The following ZNF804B variants were observed in gnomAD, a reference collection of about 807,000 sequenced individuals.
ZNF804B encodes the protein zinc finger protein 804B, also known as zinc finger 804B.
Under a neutral mutation model 101.4 loss-of-function variants are expected in ZNF804B, and 80 were observed. The ratio of observed to expected loss-of-function variants is 0.79; its 90% CI spans 0.66 to 0.95. ZNF804B has a LOEUF of 0.95. ZNF804B is among the 40% of genes least tolerant of loss of function. The pLI, the probability that ZNF804B is intolerant of heterozygous loss-of-function variation, is 0.00. For synonymous variants in ZNF804B, 622 were observed against 558.8 expected (o/e 1.11, Z -1.59); for missense variants, 1,673 against 1,561.9 (o/e 1.07, Z -1.20).
intron 1 of ZNF804B, among the ~76,000 whole-genome samples, chr7:89,105,840 T>C (rs1790128570): frequency 6.6e-6 from 1 of 152,178 alleles, no homozygotes; most frequent in South Asian, 2.1e-4. Context: ...CAGCTTCATG[T>C]TGGGGTTCCC....
intron 1 of ZNF804B, among the ~76,000 whole-genome samples, chr7:89,094,955 C>T (rs987329945): frequency 2.6e-5 from 4 of 151,934 alleles, no homozygotes; most frequent in East Asian, 1.9e-4. Context: ...TCAATAAATA[C>T]GAAAGTTAAA....
chr7:89,049,348 T>A (rs142443254), intron 1 of ZNF804B, among the ~76,000 whole-genome samples: 2,152 of 152,260 alleles, frequency 0.014, 45 homozygotes, highest in African/African-American at 0.048. Flanking sequence ...GTGAATGATC[T>A]TATGGTTCAC....
intron 1 of ZNF804B, among the ~76,000 whole-genome samples, chr7:88,985,946 C>T (rs908380201): frequency 6.6e-6 from 1 of 152,070 alleles, no homozygotes; most frequent in African/African-American, 2.4e-5. Flanking sequence ...CCAATAAACT[C>T]TCATAGTCTT....
chr7:89,078,872 A>G (rs948858709), intron 1 of ZNF804B, among the ~76,000 whole-genome samples: 1 of 152,050 alleles, frequency 6.6e-6, no homozygotes, highest in Non-Finnish European at 1.5e-5. Flanking sequence ...CCATGATATT[A>G]TAAGATATAT....
Position 89,015,504 on chromosome 7 carries a change from A to T in ZNF804B, c.109-202651A>T, listed in dbSNP as rs565660978. 7.3e-3 allele frequency among the ~76,000 whole-genome samples: 1,105 copies of T among 150,800 alleles called. 15 individuals are homozygous for T. The highest frequency in any genetic ancestry group is 0.025 in the African/African-American group (1,010 of 41,010). ...CTCCCCGCTCCCCCCACCCCACAAC[A>T]GTCCCCAGAGTGTAATGTTCCCCTT... is the stretch of plus-strand genomic sequence containing the variant. On this transcript the variant is annotated intron_variant, in intron 1 of 3. Coordinates refer to ENST00000333190, the MANE Select transcript of ZNF804B (RefSeq NM_181646.5).
At chr7:88,878,490 G>A (rs917719817) in intron 1 of ZNF804B, among the ~76,000 whole-genome samples, 1 of 152,260 alleles carries the variant, frequency 6.6e-6, no homozygotes, top group East Asian at 1.9e-4. Flanking sequence ...AAGGGTGTCT[G>A]CCTGATGAGA....
At chr7:89,111,884 A>G in intron 1 of ZNF804B, among the ~76,000 whole-genome samples, 1 of 152,124 alleles carries the variant, frequency 6.6e-6, no homozygotes, top group East Asian at 1.9e-4. Flanking sequence ...TGGGCAGATC[A>G]CTTGAAGTCA....
chr7:89,001,266 T>C lies in ZNF804B; in HGVS notation c.109-216889T>C, dbSNP rs569726042. ...ACATGCTAATTAGCTATATTTATTC[T>C]TACTGAAAAAATAACTGTGAAGTAA... On this transcript the variant is annotated intron_variant, in intron 1 of 3. Transcript: ENST00000333190. Among the ~76,000 whole-genome samples, 148 of 151,210 alleles carry C rather than the reference T, an allele frequency of 9.8e-4. 2 individuals carry two copies. Among genetic ancestry groups the C allele is most frequent in the South Asian group, 7.5e-3 (36 of 4,808 alleles).
At chr7:88,828,990 T>C (rs762252642) in intron 1 of ZNF804B, among the ~76,000 whole-genome samples, 1 of 152,172 alleles carries the variant, frequency 6.6e-6, no homozygotes, top group African/African-American at 2.4e-5. Context: ...TGAACTGTTA[T>C]GTGGAAGAGA....
intron 2 of ZNF804B, among the ~76,000 whole-genome samples, chr7:89,286,551 G>A (rs1265970374): frequency 6.6e-6 from 1 of 152,186 alleles, no homozygotes; most frequent in East Asian, 1.9e-4. Context: ...TACGGAGTCG[G>A]TGAGGTTTTC....
intron 1 of ZNF804B, among the ~76,000 whole-genome samples, chr7:89,011,653 G>T (rs1332171256): frequency 6.6e-6 from 1 of 152,124 alleles, no homozygotes; most frequent in Non-Finnish European, 1.5e-5. Context: ...AAACCTTAAA[G>T]TTCCAAAATG....
chr7:89,053,837 G>A (rs1196048696), intron 1 of ZNF804B, among the ~76,000 whole-genome samples: 1 of 151,956 alleles, frequency 6.6e-6, no homozygotes, highest in Non-Finnish European at 1.5e-5. Context: ...AGAGTAATAT[G>A]AAAATTGTAG....
chr7:89,076,237 A>G (rs1411339110), intron 1 of ZNF804B, among the ~76,000 whole-genome samples: 1 of 152,112 alleles, frequency 6.6e-6, no homozygotes, highest in East Asian at 1.9e-4. Context: ...CTGCATCCCC[A>G]CCCAAATCTC....
At chr7:89,283,097 T>G (rs969249986) in intron 2 of ZNF804B, among the ~76,000 whole-genome samples, 1 of 152,124 alleles carries the variant, frequency 6.6e-6, no homozygotes, top group African/African-American at 2.4e-5. Flanking sequence ...ATTCATACTC[T>G]GAAAAGACAA....
chr7:88,935,246 G>T (rs1315772610), intron 1 of ZNF804B, among the ~76,000 whole-genome samples: 1 of 150,908 alleles, frequency 6.6e-6, no homozygotes, highest in Non-Finnish European at 1.5e-5. Context: ...GAAGGCATAA[G>T]AATGATACAA....
intron 1 of ZNF804B, among the ~76,000 whole-genome samples, chr7:88,819,875 C>G (rs1486276860): frequency 2.6e-5 from 4 of 151,918 alleles, no homozygotes; most frequent in African/African-American, 9.7e-5. Context: ...AAGAACTGAC[C>G]CATTTGTATT....
At chr7:89,253,898 C>T (rs1211824596) in intron 2 of ZNF804B, among the ~76,000 whole-genome samples, 1 of 152,014 alleles carries the variant, frequency 6.6e-6, no homozygotes, top group Admixed American at 6.6e-5. Flanking sequence ...TGTAGTTCAC[C>T]TCATTATTCC....
intron 1 of ZNF804B, among the ~76,000 whole-genome samples, chr7:89,061,884 C>A (rs571433043): frequency 1.3e-5 from 2 of 152,208 alleles, no homozygotes; most frequent in African/African-American, 4.8e-5. Flanking sequence ...GTCTCTACCT[C>A]TCTCCCAATC....
intron 1 of ZNF804B, among the ~76,000 whole-genome samples, chr7:89,018,874 T>A (rs1788614127): frequency 6.6e-6 from 1 of 152,180 alleles, no homozygotes; most frequent in East Asian, 1.9e-4. Flanking sequence ...TATTTATGTG[T>A]GTCTTCTCTC....
Sources: gnomAD v4.1 joint callset for allele counts (sites outside exome capture counted in the v4.1 genomes callset) on GRCh38, gnomAD v4.1.1 for gene constraint, MANE v1.5 for transcripts, NCBI Gene and HGNC (gene_info 2026-07-23, HGNC 2026-07-21) for gene names.